The following ETV6 variants were observed in gnomAD, a reference collection of about 807,000 sequenced individuals.
The protein encoded by ETV6 is ETS variant transcription factor 6.
Under a neutral mutation model 51.1 loss-of-function variants are expected in ETV6, and 16 were observed. That is an observed-to-expected ratio of 0.31 (90% CI 0.21 to 0.48). The LOEUF (loss-of-function observed/expected upper bound fraction) is 0.48. ETV6 is among the 20% of genes least tolerant of loss of function. The pLI is 0.99. For missense variants in ETV6, 458 were observed against 594.8 expected, an observed-to-expected ratio of 0.77 and a Z score of 2.39; for synonymous variants, 240 against 224.1, an observed-to-expected ratio of 1.07 and a Z score of -0.64.
chr12:11,858,289 A>C (rs1016906945), intron 4 of ETV6, among the ~76,000 whole-genome samples: 2 of 152,190 alleles, frequency 1.3e-5, no homozygotes, highest in African/African-American at 4.8e-5. Context: ...GAAATATCAA[A>C]GCAGTAAATG....
At chr12:11,665,926 G>T (rs1337146710) in intron 1 of ETV6, among the ~76,000 whole-genome samples, 1 of 152,210 alleles carries the variant, frequency 6.6e-6, no homozygotes, top group Admixed American at 6.5e-5. Context: ...GAACCTTCAG[G>T]CTGGATGTGC....
At chr12:11,679,904 A>G (rs1864494916) in intron 1 of ETV6, among the ~76,000 whole-genome samples, 1 of 152,168 alleles carries the variant, frequency 6.6e-6, no homozygotes, top group Non-Finnish European at 1.5e-5. Flanking sequence ...ACTCTTCTCA[A>G]GTTTACAAAT....
intron 7 of ETV6, among the ~76,000 whole-genome samples, chr12:11,887,689 A>C (rs1044989361): frequency 1.1e-4 from 16 of 151,192 alleles, no homozygotes; most frequent in Non-Finnish European, 1.8e-4. Context: ...CAGAGGTTGC[A>C]GTGAGCTGAG....
intron 2 of ETV6, among the ~76,000 whole-genome samples, chr12:11,832,443 G>C (rs1265369227): frequency 2.6e-5 from 4 of 152,220 alleles, no homozygotes; most frequent in Admixed American, 2.6e-4. Context: ...TAAGCCACTG[G>C]CAGTGATCCT....
At chr12:11,876,132 T>C (rs1369428336) in intron 5 of ETV6, among the ~76,000 whole-genome samples, 1 of 152,174 alleles carries the variant, frequency 6.6e-6, no homozygotes, top group Non-Finnish European at 1.5e-5. Flanking sequence ...AATAACAAGT[T>C]ATGTAAGAGA....
chr12:11,856,267 A>G (rs1178264561), intron 4 of ETV6, among the ~76,000 whole-genome samples: 3 of 152,236 alleles, frequency 2.0e-5, no homozygotes, highest in Non-Finnish European at 4.4e-5. Flanking sequence ...CTCAAGTATT[A>G]TGATGTTGGT....
intron 1 of ETV6, among the ~76,000 whole-genome samples, chr12:11,708,185 A>C (rs1366510960): frequency 1.3e-5 from 2 of 152,058 alleles, no homozygotes; most frequent in Non-Finnish European, 2.9e-5. Flanking sequence ...CCTAAATTGG[A>C]ATAAGCCAGA....
Position 11,869,852 on chromosome 12 carries a change from C to T in ETV6, c.892C>T (p.His298Tyr). ...KQSRLSEDGL[H>Y]REGKPINLSH... ...GTCCAGGCTCTCCGAGGACGGGCTG[C>T]ATAGGGAAGGGAAGCCCATCAACCT... is the stretch of plus-strand genomic sequence containing the variant. The change falls in exon 5 of 8, where the codon CAT becomes TAT. Residue 298 changes from histidine (H) to tyrosine (Y), a missense_variant. His to Tyr is a moderately conservative substitution (Grantham distance 83). This residue lies in a region of ETV6 where 293 missense variants were observed against 315.7 expected (regional missense o/e 0.93). Transcript: ENST00000396373. The surrounding 1 kb of genome is among the most constrained non-coding windows in gnomAD (Gnocchi z 5.0). 1.2e-6 allele frequency: 2 copies of T among 1,613,286 alleles called. No individual in the cohort carries two copies. Among genetic ancestry groups the T allele is most frequent in the South Asian group, 1.1e-5 (1 of 91,088 alleles).
chr12:11,875,301 G>C (rs1397969119), intron 5 of ETV6, among the ~76,000 whole-genome samples: 1 of 152,226 alleles, frequency 6.6e-6, no homozygotes, highest in Non-Finnish European at 1.5e-5. Flanking sequence ...ACAAGACGGA[G>C]TGAGACAAGA....
chr12:11,891,099 C>T lies in ETV6; in HGVS notation c.*53C>T. 1 of 1,426,694 alleles carries T rather than the reference C, an allele frequency of 7.0e-7. No homozygotes were observed. Among genetic ancestry groups the T allele is most frequent in the Non-Finnish European group, 9.9e-7 (1 of 1,015,156 alleles). 88.4% of individuals were successfully genotyped at this position (1,426,694 alleles called of 1,614,324 possible). ...CAGCAGCCCAGGGAACCCCTGCCCACCAGGATTGCTGGAAGTGTGACGGAG... is the reference window on the plus strand; with the variant it reads ...CAGCAGCCCAGGGAACCCCTGCCCATCAGGATTGCTGGAAGTGTGACGGAG... On this transcript the variant is annotated 3_prime_UTR_variant, in exon 8 of 8. Transcript: ENST00000396373.
chr12:11,738,897 A>T (rs570803066), intron 1 of ETV6, among the ~76,000 whole-genome samples: 1 of 152,126 alleles, frequency 6.6e-6, no homozygotes, highest in South Asian at 2.1e-4. Flanking sequence ...TGGCTGCGCA[A>T]CGTTTTTTAG....
chr12:11,808,662 T>A (rs1478786930), intron 2 of ETV6, among the ~76,000 whole-genome samples: 2 of 152,202 alleles, frequency 1.3e-5, no homozygotes, highest in African/African-American at 4.8e-5. Flanking sequence ...CGGGGGGTCC[T>A]GGAGCCAATC....
intron 2 of ETV6, among the ~76,000 whole-genome samples, chr12:11,786,153 C>T (rs1276426648): frequency 6.6e-6 from 1 of 151,914 alleles, no homozygotes; most frequent in Non-Finnish European, 1.5e-5. Context: ...TGGGATTATT[C>T]CAGGCCTTAT....
At chr12:11,852,766 A>G (rs1274726834) in intron 3 of ETV6, among the ~76,000 whole-genome samples, 1 of 152,216 alleles carries the variant, frequency 6.6e-6, no homozygotes, top group Non-Finnish European at 1.5e-5. Context: ...GGAAAAGAGG[A>G]TACTCAACTA....
chr12:11,839,043 A>G, intron 2 of ETV6, 97 bp from the exon 3 acceptor site: 2 of 1,311,914 alleles, frequency 1.5e-6, no homozygotes, highest in Admixed American at 2.4e-5. Context: ...GTGGAGACTC[A>G]TTTTGTTAAC....
intron 2 of ETV6, among the ~76,000 whole-genome samples, chr12:11,829,669 A>G (rs1466957869): frequency 6.6e-6 from 1 of 152,192 alleles, no homozygotes; most frequent in African/African-American, 2.4e-5. Context: ...AGTCAGAAAA[A>G]TCCACAAAAT....
intron 2 of ETV6, among the ~76,000 whole-genome samples, chr12:11,806,352 A>G (rs1030314919): frequency 6.6e-6 from 1 of 152,238 alleles, no homozygotes; most frequent in Non-Finnish European, 1.5e-5. Flanking sequence ...TCTGGGCCCA[A>G]AAGTCTAGTA....
At position 11,892,996 on chromosome 12, in the gene ETV6, A is replaced by G. The variant is rs1947318830; in HGVS notation, c.*1950A>G. The G allele has an allele frequency of 4.3e-6, 1 of 232,708 alleles. No individual in the cohort carries two copies. The highest frequency in any genetic ancestry group is 2.2e-5 in the African/African-American group (1 of 45,246). 14.4% of individuals were successfully genotyped at this position (232,708 alleles called of 1,614,324 possible). ...ACTGTCACAGGCGCCCCACCATTCAACCTTCCGGGAGGTCAGGGACCTTCT... is the reference window on the plus strand; with the variant it reads ...ACTGTCACAGGCGCCCCACCATTCAGCCTTCCGGGAGGTCAGGGACCTTCT... On this transcript the variant is annotated 3_prime_UTR_variant, in exon 8 of 8. Transcript: ENST00000396373.
chr12:11,657,991 A>C (rs1400510527), intron 1 of ETV6, among the ~76,000 whole-genome samples: 1 of 152,208 alleles, frequency 6.6e-6, no homozygotes, highest in Non-Finnish European at 1.5e-5. Context: ...TGGTTCCTGA[A>C]CTTGAACTTG....
Sources: allele counts gnomAD v4.1 joint callset (sites outside exome capture counted in the v4.1 genomes callset), GRCh38; gene constraint gnomAD v4.1.1; regional missense constraint gnomAD v4.1.1; non-coding constraint Gnocchi (gnomAD v3.1); transcripts MANE v1.5; gene names NCBI Gene and HGNC (gene_info 2026-07-23, HGNC 2026-07-21).